The following CLDN14 variants were observed in gnomAD, a reference collection of about 807,000 sequenced individuals.
The protein encoded by CLDN14 is claudin 14, also known as claudin-14.
In CLDN14, 2 loss-of-function variants were observed where a neutral mutation model predicts 2.1. The observed-to-expected ratio is 0.96, with a 90% CI of 0.39 to 3.01. The LOEUF (loss-of-function observed/expected upper bound fraction) is 3.01. CLDN14 is among the 30% of genes most tolerant of loss of function. The pLI is 0.09. For missense variants in CLDN14, 298 were observed against 328.0 expected (o/e 0.91, Z 0.71); for synonymous variants, 136 against 154.4 (o/e 0.88, Z 0.88).
At chr21:36,474,940 A>G (rs1320738083) in intron 1 of CLDN14, among the ~76,000 whole-genome samples, 1 of 152,204 alleles carries the variant, frequency 6.6e-6, no homozygotes, top group Non-Finnish European at 1.5e-5. Flanking sequence ...CAAGTTTCTC[A>G]GGGAAATAAG....
intron 2 of CLDN14, among the ~76,000 whole-genome samples, chr21:36,491,863 G>T (rs1374782096): frequency 6.6e-6 from 1 of 152,172 alleles, no homozygotes; most frequent in African/African-American, 2.4e-5. Flanking sequence ...CTGGGCTGGG[G>T]TCTCACCACT....
intron 2 of CLDN14, among the ~76,000 whole-genome samples, chr21:36,489,131 A>ATATATATAT (rs1555847002): frequency 8.9e-4 from 56 of 62,746 alleles, no homozygotes; most frequent in South Asian, 1.8e-3. Context: ...AAAAAAAAAA[A>ATATATATAT]ATATATATAT....
At chr21:36,575,437 G>A (rs1397747574) in intron 1 of CLDN14, among the ~76,000 whole-genome samples, 1 of 152,242 alleles carries the variant, frequency 6.6e-6, no homozygotes, top group East Asian at 1.9e-4. Context: ...CAGAGGCACA[G>A]GAGGGTGAAG....
chr21:36,488,375 G>A (rs952256648), intron 2 of CLDN14, among the ~76,000 whole-genome samples: 4 of 151,880 alleles, frequency 2.6e-5, no homozygotes, highest in African/African-American at 7.3e-5. Flanking sequence ...GGGTTCAAGC[G>A]ATTCTCCTGC....
At chr21:36,549,005 C>T (rs755598919) in intron 1 of CLDN14, among the ~76,000 whole-genome samples, 12 of 152,148 alleles carry the variant, frequency 7.9e-5, no homozygotes, top group Non-Finnish European at 1.6e-4. Context: ...CTGTGAGCTC[C>T]CTGAGGGTAA....
intron 1 of CLDN14, among the ~76,000 whole-genome samples, chr21:36,518,075 TACACACACACACACAC>T (rs3030072): frequency 6.7e-6 from 1 of 148,444 alleles, no homozygotes; most frequent in Non-Finnish European, 1.5e-5. Context: ...CTTACATACG[TACACACACACACACAC>T]ACACACACAC....
intron 1 of CLDN14, among the ~76,000 whole-genome samples, chr21:36,523,773 G>A (rs62997361): frequency 4.5e-4 from 7 of 15,714 alleles, no homozygotes; most frequent in Admixed American, 1.3e-3. Context: ...GAAAGAAAGA[G>A]AGAAAGAGAG....
At chr21:36,570,041 C>T (rs879730190) in intron 1 of CLDN14, among the ~76,000 whole-genome samples, 16 of 152,240 alleles carry the variant, frequency 1.1e-4, no homozygotes, top group South Asian at 6.2e-4. Flanking sequence ...TATGGAGACA[C>T]GAGACATCTA....
At chr21:36,518,639 T>G (rs980846521) in intron 1 of CLDN14, among the ~76,000 whole-genome samples, 5 of 152,050 alleles carry the variant, frequency 3.3e-5, no homozygotes, top group East Asian at 3.9e-4. Context: ...AAATTTACAC[T>G]TCTGCATATA....
chr21:36,529,968 C>T (rs1210862231), intron 1 of CLDN14, among the ~76,000 whole-genome samples: 1 of 152,192 alleles, frequency 6.6e-6, no homozygotes, highest in Admixed American at 6.5e-5. Context: ...TAACAGACAC[C>T]TGAGCGGGCA....
chr21:36,535,816 T>G (rs2087420292), intron 1 of CLDN14, among the ~76,000 whole-genome samples: 1 of 152,240 alleles, frequency 6.6e-6, no homozygotes, highest in African/African-American at 2.4e-5. Flanking sequence ...ATGAATTTTG[T>G]ATGTTTTGGC....
chr21:36,511,434 T>C (rs1439321262), intron 1 of CLDN14, among the ~76,000 whole-genome samples: 4 of 152,208 alleles, frequency 2.6e-5, no homozygotes, highest in African/African-American at 9.6e-5. Context: ...GTAGATGTCT[T>C]AGTAACAGGG....
chr21:36,509,699 G>A (rs1458166265), intron 2 of CLDN14, among the ~76,000 whole-genome samples: 1 of 152,156 alleles, frequency 6.6e-6, no homozygotes, highest in Non-Finnish European at 1.5e-5. Flanking sequence ...GGCTTCAAGT[G>A]ATTCTAATGC....
rs377333347 is a variant in CLDN14 at position 36,461,344 on chromosome 21, C to T, written c.352G>A (p.Ala118Thr). 3.7e-6 allele frequency: 6 copies of T among 1,613,536 alleles called. No individual in the cohort carries two copies. Among genetic ancestry groups the T allele is most frequent in the Middle Eastern group, 1.7e-4 (1 of 6,040 alleles). ...AKGTPAKTTF[A>T]ILGGTLFILA... ...ATGAAGAGGGTGCCGCCGAGGATGG[C>T]AAAGGTGGTCTTGGCGGGTGTGCCC... is the stretch of plus-strand genomic sequence containing the variant. The change falls in exon 2 of 2, where the codon GCC becomes ACC. Residue 118 changes from alanine (A) to threonine (T), a missense_variant. Ala to Thr is a moderately conservative substitution (Grantham distance 58). Transcript: ENST00000399135.
intron 1 of CLDN14, among the ~76,000 whole-genome samples, chr21:36,524,043 A>T (rs2146495782): frequency 6.6e-6 from 1 of 152,148 alleles, no homozygotes; most frequent in African/African-American, 2.4e-5. Flanking sequence ...CTCTCCAAGC[A>T]CAAGGAAACT....
At chr21:36,500,680 C>G (rs2087084883) in intron 2 of CLDN14, among the ~76,000 whole-genome samples, 2 of 152,234 alleles carry the variant, frequency 1.3e-5, no homozygotes, top group Non-Finnish European at 2.9e-5. Context: ...GATCCACCCG[C>G]CTCGGCCTCC....
At chr21:36,474,159 G>A (rs2086745716) in intron 1 of CLDN14, among the ~76,000 whole-genome samples, 1 of 152,100 alleles carries the variant, frequency 6.6e-6, no homozygotes, top group Non-Finnish European at 1.5e-5. Context: ...TAGACCTCAG[G>A]ATATCTGTCA....
rs959584917 is a variant in CLDN14, at chr21:36,543,173, C to T, written c.-219-32673G>A. On this transcript the variant is annotated intron_variant, in intron 1 of 2. Transcript: ENST00000342108. ...GGGGCTGCCCTCTGGGGTAGAGGGACCCCCAGTTTCCAAAGTGAGGGCTCA... is the reference window on the plus strand; with the variant it reads ...GGGGCTGCCCTCTGGGGTAGAGGGATCCCCAGTTTCCAAAGTGAGGGCTCA... Among the ~76,000 whole-genome samples the T allele has an allele frequency of 4.6e-5, 7 of 152,260 alleles. No individual in the cohort carries two copies. In the East Asian group the frequency reaches 7.7e-4, roughly 17 times the overall value.
intron 2 of CLDN14, among the ~76,000 whole-genome samples, chr21:36,496,188 C>T (rs543042229): frequency 6.6e-6 from 1 of 152,186 alleles, no homozygotes; most frequent in South Asian, 2.1e-4. Context: ...GTAATTCCAG[C>T]ACTTTGGGAG....
Sources: allele counts gnomAD v4.1 joint callset (sites outside exome capture counted in the v4.1 genomes callset), GRCh38; gene constraint gnomAD v4.1.1; transcripts MANE v1.5; gene names NCBI Gene and HGNC (gene_info 2026-07-23, HGNC 2026-07-21).